Variants in RTL4 observed in about 807,000 individuals in gnomAD.
The protein encoded by RTL4 is retrotransposon Gag like 4.
A neutral mutation model predicts 5.3 loss-of-function variants in RTL4; 4 were observed. The ratio of observed to expected loss-of-function variants is 0.75; its 90% CI spans 0.37 to 1.72. The LOEUF (loss-of-function observed/expected upper bound fraction) is 1.72, where lower values mean the gene tolerates loss of function less well. Among genes scored for constraint, RTL4 ranks in the 40% most tolerant of loss-of-function variants. The pLI, the probability that RTL4 is intolerant of heterozygous loss-of-function variation, is 0.04. For missense variants in RTL4, 260 were observed against 227.1 expected (o/e 1.14, Z -0.93); for synonymous variants, 98 against 87.3 (o/e 1.12, Z -0.68).
At chrX:112,111,493 A>G in the RTL4 span, among the ~76,000 whole-genome samples, 1 of 113,000 alleles carries the variant, frequency 8.8e-6, no homozygotes, top group African/African-American at 3.2e-5. Context: ...CAATAACTCC[A>G]TGATTTCCTT....
At chrX:112,295,222 G>A in the RTL4 span, among the ~76,000 whole-genome samples, 1 of 110,890 alleles carries the variant, frequency 9.0e-6, no homozygotes, top group East Asian at 2.8e-4. Flanking sequence ...AAATGTCTTC[G>A]GGTAAGAGCT....
At chrX:112,331,335 A>C in the RTL4 span, among the ~76,000 whole-genome samples, 87 of 106,422 alleles carry the variant, frequency 8.2e-4, 1 homozygote, top group African/African-American at 2.5e-3. Context: ...ACCCCATCAA[A>C]AAGTGGGCAA....
the RTL4 span, among the ~76,000 whole-genome samples, chrX:112,433,065 G>A: frequency 9.1e-6 from 1 of 109,698 alleles, no homozygotes; most frequent in African/African-American, 3.3e-5. Flanking sequence ...TATTTCTGAG[G>A]GCTCTGTTCT....
At chrX:112,168,150 C>T in the RTL4 span, among the ~76,000 whole-genome samples, 2 of 111,150 alleles carry the variant, frequency 1.8e-5, no homozygotes, top group African/African-American at 6.6e-5. Context: ...AGGCTAAGCA[C>T]CACTGCACTT....
the RTL4 span, among the ~76,000 whole-genome samples, chrX:112,217,064 G>T: frequency 9.8e-5 from 11 of 111,775 alleles, no homozygotes; most frequent in African/African-American, 3.6e-4. Flanking sequence ...GGTTAGCACT[G>T]GTTGATGCTA....
the RTL4 span, among the ~76,000 whole-genome samples, chrX:112,155,387 T>C: frequency 9.0e-6 from 1 of 111,544 alleles, no homozygotes; most frequent in South Asian, 3.8e-4. Context: ...TTGTTTTCAA[T>C]ACTCCAAGGA....
chrX:112,124,712 G>A, the RTL4 span, among the ~76,000 whole-genome samples: 4 of 109,719 alleles, frequency 3.6e-5, no homozygotes, highest in African/African-American at 1.3e-4. Context: ...ATTAGAGGAC[G>A]GGTCAATAGG....
At chrX:112,213,740 A>G in the RTL4 span, among the ~76,000 whole-genome samples, 1 of 111,175 alleles carries the variant, frequency 9.0e-6, no homozygotes, top group African/African-American at 3.3e-5. Context: ...CCATCGCCAG[A>G]AGTTTTTTGT....
At chrX:112,091,657 C>CT in the RTL4 span, among the ~76,000 whole-genome samples, 1 of 111,293 alleles carries the variant, frequency 9.0e-6, no homozygotes, top group Non-Finnish European at 1.9e-5. Flanking sequence ...TGTGACCTAA[C>CT]ATACAGTCTA....
chrX:112,147,043 C>T, the RTL4 span, among the ~76,000 whole-genome samples: 1 of 107,771 alleles, frequency 9.3e-6, no homozygotes, highest in Non-Finnish European at 1.9e-5. Flanking sequence ...GAGTGAGGCT[C>T]GCAGATGTAC....
At chrX:112,160,128 G>T in the RTL4 span, among the ~76,000 whole-genome samples, 1 of 112,300 alleles carries the variant, frequency 8.9e-6, no homozygotes, top group African/African-American at 3.2e-5. Flanking sequence ...GATTAGTGTT[G>T]CGGCAGAATC....
At chrX:112,190,172 C>CTTTCTTTCTTTCTT in the RTL4 span, among the ~76,000 whole-genome samples, 12 of 92,260 alleles carry the variant, frequency 1.3e-4, no homozygotes, top group Admixed American at 2.5e-4. Flanking sequence ...TTCTTTCTTT[C>CTTTCTTTCTTTCTT]TTTCTTTCTT....
chrX:112,394,530 A>T, the RTL4 span, among the ~76,000 whole-genome samples: 1 of 111,786 alleles, frequency 8.9e-6, no homozygotes, highest in Non-Finnish European at 1.9e-5. Flanking sequence ...CTTTAAAGTA[A>T]TTTTAATTTT....
chrX:112,235,103 C>A, the RTL4 span, among the ~76,000 whole-genome samples: 16,797 of 111,187 alleles, frequency 0.15, 882 homozygotes, highest in Non-Finnish European at 0.17. Context: ...GAAATATCAT[C>A]AAGGGCTGCT....
chrX:112,311,464 A>C, the RTL4 span, among the ~76,000 whole-genome samples: 7 of 110,603 alleles, frequency 6.3e-5, no homozygotes, highest in Non-Finnish European at 1.9e-5. Flanking sequence ...AGAGCACTGG[A>C]CAAGAATTCT....
chrX:112,114,642 A>G, the RTL4 span, among the ~76,000 whole-genome samples: 2 of 111,421 alleles, frequency 1.8e-5, no homozygotes, highest in African/African-American at 6.6e-5. Context: ...CAAAACTGAT[A>G]GACAGGAGGT....
At chrX:112,333,163 A>T in the RTL4 span, among the ~76,000 whole-genome samples, 1 of 110,203 alleles carries the variant, frequency 9.1e-6, no homozygotes, top group Non-Finnish European at 1.9e-5. Flanking sequence ...TCACTCTCAG[A>T]CTGTTTGCGT....
the RTL4 span, among the ~76,000 whole-genome samples, chrX:112,352,238 C>A: frequency 1.8e-5 from 2 of 111,310 alleles, no homozygotes; most frequent in African/African-American, 6.5e-5. Flanking sequence ...GAGAGATCTG[C>A]TGTTAGTCTG....
At chrX:112,288,375 T>C in the RTL4 span, among the ~76,000 whole-genome samples, 1 of 112,142 alleles carries the variant, frequency 8.9e-6, no homozygotes, top group Non-Finnish European at 1.9e-5. Context: ...TGTTTGTTTT[T>C]ATTGACACTC....
Sources: gnomAD v4.1 joint callset for allele counts (sites outside exome capture counted in the v4.1 genomes callset) on GRCh38, gnomAD v4.1.1 for gene constraint, MANE v1.5 for transcripts, NCBI Gene and HGNC (gene_info 2026-07-23, HGNC 2026-07-21) for gene names.